NLRP7: variants seen among roughly 807,000 people sequenced by gnomAD.
NLRP7 encodes NACHT, LRR and PYD domains-containing protein 7.
A neutral mutation model predicts 85.5 loss-of-function variants in NLRP7; 72 were observed. The ratio of observed to expected loss-of-function variants is 0.84; its 90% CI spans 0.70 to 1.02. The LOEUF (loss-of-function observed/expected upper bound fraction) is 1.02. Among genes scored for constraint, NLRP7 ranks in the 50% least tolerant of loss-of-function variants. NLRP7 has a pLI of 0.00. For missense variants in NLRP7, 1,243 were observed against 1,219.5 expected (o/e 1.02, Z -0.29); for synonymous variants, 550 against 505.2 (o/e 1.09, Z -1.19).
At chr19:54,940,671 A>G (rs758220090) in intron 3 of NLRP7, among the ~76,000 whole-genome samples, 17 of 152,038 alleles carry the variant, frequency 1.1e-4, no homozygotes, top group Non-Finnish European at 2.2e-4. Flanking sequence ...TACTAAAAAT[A>G]CAAAACATTA....
At chr19:54,926,895 G>C (rs889907529) in intron 9 of NLRP7, among the ~76,000 whole-genome samples, 1 of 133,126 alleles carries the variant, frequency 7.5e-6, no homozygotes, top group Admixed American at 7.7e-5. Context: ...CAGCCTGGGG[G>C]ACAGAGAGAG....
At chr19:54,944,711 G>C (rs1308259212) in intron 1 of NLRP7, among the ~76,000 whole-genome samples, 2 of 152,110 alleles carry the variant, frequency 1.3e-5, no homozygotes, top group Admixed American at 1.3e-4. Flanking sequence ...AGCAGGAAGA[G>C]CATGAGAGCC....
intron 1 of NLRP7, among the ~76,000 whole-genome samples, chr19:54,954,729 C>T (rs972287426): frequency 7.2e-5 from 11 of 151,900 alleles, no homozygotes; most frequent in Non-Finnish European, 1.5e-4. Flanking sequence ...ACCTGTAATC[C>T]CAGCTACTCA....
exon 8 of NLRP7, chr19:54,933,724 A>G (rs1043215276): frequency 6.2e-7 from 1 of 1,614,042 alleles, no homozygotes; most frequent in Non-Finnish European, 8.5e-7. Context: ...CTTCTGTAAG[A>G]CGACAGTTTT....
At chr19:54,936,597 G>T (rs999506403) in intron 5 of NLRP7, among the ~76,000 whole-genome samples, 166 bp from the exon 6 acceptor site, 7 of 152,116 alleles carry the variant, frequency 4.6e-5, no homozygotes, top group African/African-American at 1.4e-4. Flanking sequence ...TGAGGCAGGA[G>T]GATAACCTGA....
intron 1 of NLRP7, among the ~76,000 whole-genome samples, chr19:54,946,004 G>T (rs553148651): frequency 3.3e-5 from 5 of 152,012 alleles, no homozygotes; most frequent in Admixed American, 1.3e-4. Context: ...TGTTAGCCAG[G>T]ATGGTCTCGA....
chr19:54,938,202 A>T, exon 5 of NLRP7: 1 of 1,614,092 alleles, frequency 6.2e-7, no homozygotes, highest in South Asian at 1.1e-5. Flanking sequence ...GAGAGCGAAG[A>T]TCCTGCCGAG....
In NLRP7 at chr19:54,938,354, A is replaced by G. The variant is rs562180360; in HGVS notation, c.1932-113T>C. On this transcript the variant is annotated intron_variant, in intron 4 of 9. Coordinates refer to ENST00000340844, the Ensembl canonical transcript of NLRP7. Reference sequence around the variant, plus strand: ...ACAATTACTTTTGCACCAACCTAAAACAGTGTCTATAGTAAACAATATTGC... The same window carrying G: ...ACAATTACTTTTGCACCAACCTAAAGCAGTGTCTATAGTAAACAATATTGC... 8 of 818,872 alleles carry G rather than the reference A, an allele frequency of 9.8e-6. No homozygotes were observed. In the East Asian group the frequency reaches 2.0e-4, roughly 20 times the overall value. The allele number at this position is 818,872 out of a possible 1,614,324, so 50.7% of individuals were successfully genotyped here.
intron 9 of NLRP7, among the ~76,000 whole-genome samples, chr19:54,925,947 C>G (rs1016227059): frequency 8.6e-5 from 13 of 151,604 alleles, no homozygotes; most frequent in Non-Finnish European, 1.6e-4. Context: ...TTGCAGTGAG[C>G]CGAGATCGCA....
In NLRP7 at chr19:54,924,643, T is replaced by C. The variant is rs184540165; in HGVS notation, c.2811-771A>G. Among the ~76,000 whole-genome samples, 33 of 151,066 alleles carry C rather than the reference T, an allele frequency of 2.2e-4. 1 individual carries two copies. In the South Asian group the frequency reaches 2.7e-3, roughly 12 times the overall value. On this transcript the variant is annotated intron_variant, in intron 9 of 9. Coordinates refer to ENST00000340844, the Ensembl canonical transcript of NLRP7. ...GCCTTTAAAAAATAAATTTAAAAAA[T>C]AGATAATCAGGCTGGTGCACGGTGA...
chr19:54,942,185 A>G lies in NLRP7; in HGVS notation c.-39-435T>C, dbSNP rs372836124. 6.0e-5 allele frequency among the ~76,000 whole-genome samples: 8 copies of G among 133,362 alleles called. No homozygotes were observed. In the East Asian group the frequency reaches 7.8e-4, roughly 13 times the overall value. The allele number at this position is 133,362 out of a possible 152,430, so 87.5% of individuals were successfully genotyped here. On this transcript the variant is annotated intron_variant, in intron 1 of 9. Transcript: ENST00000340844. ...GCAGGAGAATGGTGTGAACCCGGGA[A>G]GTGGAGCTTGCAGTGAGCAGAGATC... is the stretch of plus-strand genomic sequence containing the variant.
intron 9 of NLRP7, chr19:54,927,713 T>C (rs963309634): frequency 6.2e-7 from 1 of 1,614,124 alleles, no homozygotes; most frequent in African/African-American, 1.3e-5. Flanking sequence ...AAGCTTCTGA[T>C]TGCTGAGGAG....
intron 9 of NLRP7, among the ~76,000 whole-genome samples, chr19:54,924,567 C>T (rs1049970237): frequency 6.6e-6 from 1 of 152,060 alleles, no homozygotes; most frequent in Non-Finnish European, 1.5e-5. Context: ...GAGGTTGCAA[C>T]GAGCTAGAGA....
rs775874 is a variant in NLRP7 at position 54,934,855 on chromosome 19, A to G, written c.2301-196T>C. 9.8e-3 allele frequency among the ~76,000 whole-genome samples: 1,487 copies of G among 151,970 alleles called. 22 individuals carry two copies. Among genetic ancestry groups the G allele is most frequent in the African/African-American group, 0.034 (1,408 of 41,478 alleles). ...CTCCGAAGTAGCTGGGATTACAGGCATTCGCCAATTTTTGTATTTTTAGTA... is the reference window on the plus strand; with the variant it reads ...CTCCGAAGTAGCTGGGATTACAGGCGTTCGCCAATTTTTGTATTTTTAGTA... On this transcript the variant is annotated intron_variant, in intron 6 of 9. Coordinates refer to ENST00000340844, the Ensembl canonical transcript of NLRP7. The surrounding 1 kb of genome is among the most constrained non-coding windows in gnomAD (Gnocchi z 6.7).
At chr19:54,948,211 C>T (rs1349885012), upstream of NLRP7, among the ~76,000 whole-genome samples, 12 of 152,114 alleles carry the variant, frequency 7.9e-5, no homozygotes, top group African/African-American at 2.9e-4. Flanking sequence ...TGGTGAAACT[C>T]TGTCTCTACT....
At chr19:54,959,638 C>T (rs910841454) in intron 1 of NLRP7, among the ~76,000 whole-genome samples, 11 of 151,640 alleles carry the variant, frequency 7.3e-5, no homozygotes, top group African/African-American at 2.7e-4. Flanking sequence ...CATAGCAAGA[C>T]CCCCATTTCC....
intron 1 of NLRP7, among the ~76,000 whole-genome samples, chr19:54,954,599 C>A (rs1157952538): frequency 6.6e-6 from 1 of 150,706 alleles, no homozygotes. Flanking sequence ...AATCCCAACA[C>A]TTTGGGAGGC....
intron 3 of NLRP7, 119 bp downstream of exon 3, chr19:54,940,812 G>C (rs1474609399): frequency 1.3e-5 from 10 of 769,292 alleles, no homozygotes; most frequent in Admixed American, 3.8e-5. Flanking sequence ...GGGCTACAGA[G>C]CAAGATTCCG....
At chr19:54,962,803 G>A (rs1276247000) in intron 1 of NLRP7, among the ~76,000 whole-genome samples, 2 of 149,900 alleles carry the variant, frequency 1.3e-5, no homozygotes, top group African/African-American at 4.9e-5. Flanking sequence ...GTTTCACCGT[G>A]TTAGCCAGGA....
Sources: gnomAD v4.1 joint callset for allele counts (sites outside exome capture counted in the v4.1 genomes callset) on GRCh38, gnomAD v4.1.1 for gene constraint, Gnocchi (gnomAD v3.1) non-coding constraint, MANE v1.5 for transcripts, NCBI Gene and HGNC (gene_info 2026-07-23, HGNC 2026-07-21) for gene names.